ZNF713: variants seen among roughly 807,000 people sequenced by gnomAD.
The protein encoded by ZNF713 is zinc finger protein 713.
Under a neutral mutation model 28.7 loss-of-function variants are expected in ZNF713, and 21 were observed. That is an observed-to-expected ratio of 0.73 (90% CI 0.52 to 1.05). The LOEUF (loss-of-function observed/expected upper bound fraction) is 1.05, where lower values mean the gene tolerates loss of function less well. Ranked by LOEUF, ZNF713 falls within the 50% of genes least tolerant of loss-of-function variation. The probability of loss-of-function intolerance (pLI) is 0.00; values close to 1 mark genes in which losing one functional copy is unlikely to be tolerated. For missense variants in ZNF713, 458 were observed against 532.4 expected, an observed-to-expected ratio of 0.86 and a Z score of 1.37; for synonymous variants, 167 against 178.0, an observed-to-expected ratio of 0.94 and a Z score of 0.49.
chr7:55,898,599 G>A (rs1358207634), intron 1 of ZNF713, among the ~76,000 whole-genome samples: 2 of 152,162 alleles, frequency 1.3e-5, no homozygotes, highest in Admixed American at 1.3e-4. Flanking sequence ...CGTGAGAACA[G>A]CAAGAGGGAA....
At chr7:55,909,732 TCTC>T (rs1376767515) in intron 2 of ZNF713, among the ~76,000 whole-genome samples, 1 of 152,182 alleles carries the variant, frequency 6.6e-6, no homozygotes, top group African/African-American at 2.4e-5. Flanking sequence ...GTTTTGTAAT[TCTC>T]CTTATAGAGA....
rs6593291 is a variant in ZNF713, at chr7:55,942,170, G to T, written c.*2164G>T. 0.18 allele frequency: 27,457 copies of T among 152,014 alleles called. 3,028 individuals carry two copies. Among genetic ancestry groups the T allele is most frequent in the East Asian group, 0.35 (1,786 of 5,154 alleles). 9.4% of individuals were successfully genotyped at this position (152,014 alleles called of 1,614,324 possible). ...GGGTGAGCCCTGGTGCCATGTTGAG[G>T]GTGGGAATCAGGAGAGCTGCAGTGG... On this transcript the variant is annotated 3_prime_UTR_variant, in exon 7 of 7. Coordinates refer to ENST00000429591, the MANE Select transcript of ZNF713 (RefSeq NM_182633.3).
intron 2 of ZNF713, among the ~76,000 whole-genome samples, chr7:55,909,395 A>G (rs892952471): frequency 6.6e-6 from 1 of 152,044 alleles, no homozygotes; most frequent in Non-Finnish European, 1.5e-5. Context: ...CCATTGATCT[A>G]TGTGTCTGTT....
intron 4 of ZNF713, 80 bp from the exon 5 acceptor site, chr7:55,923,082 G>A: frequency 6.8e-7 from 1 of 1,477,066 alleles, no homozygotes; most frequent in Admixed American, 2.2e-5. Context: ...AGATAACCTG[G>A]TGCTACACTT....
intron 1 of ZNF713, among the ~76,000 whole-genome samples, chr7:55,900,318 A>C (rs1454459247): frequency 6.6e-6 from 1 of 151,742 alleles, no homozygotes; most frequent in Non-Finnish European, 1.5e-5. Context: ...AAATACAAAA[A>C]TTAGCCAGGC....
rs1786229909 is a variant in ZNF713 at position 55,932,480 on chromosome 7, A to G, written c.308-6502A>G. Among the ~76,000 whole-genome samples, 4 of 150,410 alleles carry G rather than the reference A, an allele frequency of 2.7e-5. No individual in the cohort carries two copies. In the South Asian group the frequency reaches 8.4e-4, roughly 32 times the overall value. On this transcript the variant is annotated intron_variant, in intron 6 of 6. Transcript: ENST00000429591. Reference sequence around the variant, plus strand: ...GTCAAAGCTGATGTGAGCTATGATCACACCACTGCACTCCAGCCTAGGTGA... The same window carrying G: ...GTCAAAGCTGATGTGAGCTATGATCGCACCACTGCACTCCAGCCTAGGTGA...
chr7:55,931,637 T>C (rs988520102), intron 6 of ZNF713, among the ~76,000 whole-genome samples: 9 of 150,204 alleles, frequency 6.0e-5, no homozygotes, highest in Non-Finnish European at 1.0e-4. Flanking sequence ...TCTCCCTCCT[T>C]CTTTCCCTCT....
At chr7:55,903,730 G>A (rs1785622244) in intron 1 of ZNF713, among the ~76,000 whole-genome samples, 1 of 151,720 alleles carries the variant, frequency 6.6e-6, no homozygotes, top group South Asian at 2.1e-4. Flanking sequence ...ACCTCACCTG[G>A]TCTGTGATGT....
intron 1 of ZNF713, among the ~76,000 whole-genome samples, chr7:55,895,501 T>G (rs1015859958): frequency 3.8e-5 from 5 of 132,098 alleles, no homozygotes; most frequent in Non-Finnish European, 7.9e-5. Flanking sequence ...AGAGTTTCAC[T>G]CTTATTGCCC....
At chr7:55,913,411 C>G (rs1325753588) in intron 4 of ZNF713, among the ~76,000 whole-genome samples, 1 of 151,568 alleles carries the variant, frequency 6.6e-6, no homozygotes, top group Non-Finnish European at 1.5e-5. Flanking sequence ...CTGAGTTAGC[C>G]AGGATGGTCT....
intron 4 of ZNF713, among the ~76,000 whole-genome samples, chr7:55,914,901 C>A (rs767178258): frequency 1.7e-4 from 26 of 152,202 alleles, no homozygotes; most frequent in Non-Finnish European, 3.4e-4. Flanking sequence ...GTCACCCAGG[C>A]TGGAGTGCAG....
At chr7:55,908,980 G>C (rs1785735688) in intron 2 of ZNF713, among the ~76,000 whole-genome samples, 4 of 151,878 alleles carry the variant, frequency 2.6e-5, no homozygotes, top group Admixed American at 2.6e-4. Context: ...AGGGTGAGGT[G>C]AGGTCAGGAG....
chr7:55,914,634 G>A (rs1332104680), intron 4 of ZNF713, among the ~76,000 whole-genome samples: 1 of 152,152 alleles, frequency 6.6e-6, no homozygotes, highest in African/African-American at 2.4e-5. Context: ...TAGGGATGAG[G>A]GAAGACTTCA....
rs553594400 is a variant in ZNF713, at chr7:55,914,288, A to G, written c.87+1565A>G. 3.0e-4 allele frequency among the ~76,000 whole-genome samples: 46 copies of G among 152,278 alleles called. 1 individual carries two copies. The South Asian group carries it at 8.7e-3, about 29-fold the overall frequency. Reference sequence around the variant, plus strand: ...CTCAATTGCTTCAGATAGGATTTCTATCATTCCAATTATATGTGATAATCA... The same window carrying G: ...CTCAATTGCTTCAGATAGGATTTCTGTCATTCCAATTATATGTGATAATCA... On this transcript the variant is annotated intron_variant, in intron 4 of 6. Transcript: ENST00000429591.
chr7:55,903,753 T>C (rs1785622569), intron 1 of ZNF713, among the ~76,000 whole-genome samples: 1 of 151,308 alleles, frequency 6.6e-6, no homozygotes, highest in African/African-American at 2.4e-5. Context: ...AAATCTTCCC[T>C]GAGACCTGAA....
chr7:55,937,421 T>C (rs936892445), intron 6 of ZNF713, among the ~76,000 whole-genome samples: 1 of 151,806 alleles, frequency 6.6e-6, no homozygotes, highest in Admixed American at 6.6e-5. Flanking sequence ...GAGAGACTCA[T>C]TGGGAGAGGG....
chr7:55,939,643 C>G lies in ZNF713; in HGVS notation c.969C>G (p.Phe323Leu), dbSNP rs760880940. 2 of 1,614,052 alleles carry G rather than the reference C, an allele frequency of 1.2e-6. No individual in the cohort carries two copies. Among genetic ancestry groups the G allele is most frequent in the Admixed American group, 1.7e-5 (1 of 59,994 alleles). Residue 323 changes from phenylalanine (F) to leucine (L), a missense_variant, in exon 7 of 7, where the codon TTC becomes TTG. By Grantham distance (22) the Phe-to-Leu change is conservative. Transcript: ENST00000429591. ...TATGCAATGGATGTGGGAAAGCCTT[C>G]CGTCAGCATTCATCCTTTACTCAAC... The part of the protein sequence containing the change: ...PFICNGCGKA[F>L]RQHSSFTQHL...
At position 55,909,486 on chromosome 7, in the gene ZNF713, T is replaced by C. The variant is rs578212512; in HGVS notation, c.-455-2130T>C. Among the ~76,000 whole-genome samples, 50 of 152,348 alleles carry C rather than the reference T, an allele frequency of 3.3e-4. 1 individual carries two copies. The East Asian group carries it at 9.2e-3, about 28-fold the overall frequency. On this transcript the variant is annotated intron_variant, in intron 2 of 6. Transcript: ENST00000429591. ...TCACATAATGTGATGCCTCCAGCTT[T>C]GTTCTTTTTGCTTAGGATTGCTTTG...
intron 6 of ZNF713, among the ~76,000 whole-genome samples, chr7:55,936,897 A>G (rs1786359859): frequency 1.3e-5 from 2 of 152,146 alleles, no homozygotes; most frequent in South Asian, 4.1e-4. Context: ...AAATGAAGCC[A>G]TTTTAACCAT....
Sources: gnomAD v4.1 joint callset for allele counts (sites outside exome capture counted in the v4.1 genomes callset) on GRCh38, gnomAD v4.1.1 for gene constraint, MANE v1.5 for transcripts, NCBI Gene and HGNC (gene_info 2026-07-23, HGNC 2026-07-21) for gene names.